The following TCF20 variants were observed in gnomAD, a reference collection of about 807,000 sequenced individuals.
The protein encoded by TCF20 is transcription factor 20, also known as SPRE-binding protein.
In TCF20, 3 loss-of-function variants were observed where a neutral mutation model predicts 148.6. That is an observed-to-expected ratio of 0.02 (90% confidence interval 0.01 to 0.05). The LOEUF is 0.05. TCF20 is among the 10% of genes least tolerant of loss of function. The probability of loss-of-function intolerance (pLI) is 1.00; values close to 1 mark genes in which losing one functional copy is unlikely to be tolerated. For missense variants in TCF20, 2,350 were observed against 2,429.3 expected (o/e 0.97, Z 0.69); for synonymous variants, 1,049 against 909.5 (o/e 1.15, Z -2.76).
At chr22:42,339,378 C>T (rs766341326) in intron 1 of TCF20, among the ~76,000 whole-genome samples, 1 of 152,216 alleles carries the variant, frequency 6.6e-6, no homozygotes, top group Non-Finnish European at 1.5e-5. Flanking sequence ...AAACTACTCA[C>T]TTTTTCTTCA....
At chr22:42,286,824 AG>A (rs1927040625), upstream of TCF20, among the ~76,000 whole-genome samples, 1 of 152,206 alleles carries the variant, frequency 6.6e-6, no homozygotes, top group Non-Finnish European at 1.5e-5. Context: ...TCCTCGTACC[AG>A]GCCAGGCACT....
chr22:42,273,843 T>G (rs1188501073), upstream of TCF20: 2 of 152,608 alleles, frequency 1.3e-5, no homozygotes, highest in Non-Finnish European at 2.9e-5. Flanking sequence ...TCTGCCCTCC[T>G]CCAGGCGCCT....
intron 1 of TCF20, among the ~76,000 whole-genome samples, chr22:42,324,124 A>G (rs1423570819): frequency 5.3e-3 from 9 of 1,714 alleles, no homozygotes; most frequent in African/African-American, 0.017. Context: ...GGTGGTGGTT[A>G]TGGTGGTGGT....
At chr22:42,190,760 C>T (rs1421561452) in intron 2 of TCF20, among the ~76,000 whole-genome samples, 1 of 147,784 alleles carries the variant, frequency 6.8e-6, no homozygotes, top group Non-Finnish European at 1.5e-5. Flanking sequence ...ATTCCCCACC[C>T]TCAGCTATCT....
chr22:42,221,204 C>T (rs897533355), intron 1 of TCF20, among the ~76,000 whole-genome samples: 5 of 152,180 alleles, frequency 3.3e-5, no homozygotes, highest in South Asian at 2.1e-4. Flanking sequence ...ATGCAGCACA[C>T]GTGGATTCAT....
chr22:42,226,291 A>T (rs1428531903), intron 1 of TCF20, among the ~76,000 whole-genome samples: 1 of 152,160 alleles, frequency 6.6e-6, no homozygotes, highest in Non-Finnish European at 1.5e-5. Flanking sequence ...CATTGAATAT[A>T]TTTTTTCATT....
At chr22:42,261,031 A>G (rs1601674791) in intron 1 of TCF20, among the ~76,000 whole-genome samples, 2 of 152,226 alleles carry the variant, frequency 1.3e-5, no homozygotes, top group South Asian at 4.1e-4. Flanking sequence ...TTTCTACCCA[A>G]GAAGCAACAC....
chr22:42,231,345 A>G (rs1352992530), intron 1 of TCF20, among the ~76,000 whole-genome samples: 1 of 152,114 alleles, frequency 6.6e-6, no homozygotes, highest in East Asian at 1.9e-4. Context: ...GTAGCCAAGC[A>G]CGGTGGTATG....
chr22:42,256,159 C>T lies in TCF20; in HGVS notation c.-37+14180G>A, dbSNP rs139610550. 9.3e-3 allele frequency among the ~76,000 whole-genome samples: 1,423 copies of T among 152,242 alleles called. 14 individuals carry two copies. The highest frequency in any genetic ancestry group is 0.033 in the African/African-American group (1,364 of 41,530). On this transcript the variant is annotated intron_variant, in intron 1 of 5. Coordinates refer to ENST00000677622, the MANE Select transcript of TCF20 (RefSeq NM_001378418.1). ...TTGATCAGGAGGGAGCAGCCTCTTG[C>T]CTAGTTCTCCCCAGCACTCCAGCTA...
Position 42,302,603 on chromosome 22 carries a change from C to T in TCF20, c.-37+40876G>A, listed in dbSNP as rs140463027. ...CCGGCCTCTTTCATCCCTGTCCTTG[C>T]TTGGTGGGATTCCTGGATGTCTCAC... On this transcript the variant is annotated intron_variant, in intron 1 of 1. Coordinates refer to the TCF20 transcript ENST00000515426. Among the ~76,000 whole-genome samples the T allele has an allele frequency of 9.3e-4, 142 of 152,324 alleles. 3 individuals are homozygous for T. Among genetic ancestry groups the T allele is most frequent in the African/African-American group, 3.1e-3 (130 of 41,574 alleles).
chr22:42,209,622 C>A, intron 2 of TCF20, 29 bp downstream of exon 2: 2 of 1,551,224 alleles, frequency 1.3e-6, no homozygotes, highest in South Asian at 2.5e-5. Flanking sequence ...ATAAAAATCC[C>A]AAGCTGGTAA....
At chr22:42,244,476 T>C (rs1233650910) in intron 1 of TCF20, among the ~76,000 whole-genome samples, 2 of 152,180 alleles carry the variant, frequency 1.3e-5, no homozygotes, top group South Asian at 2.1e-4. Flanking sequence ...GAAGTACTCA[T>C]ACACAATACA....
At chr22:42,222,270 C>G (rs1922449439) in intron 1 of TCF20, among the ~76,000 whole-genome samples, 2 of 152,010 alleles carry the variant, frequency 1.3e-5, no homozygotes, top group Non-Finnish European at 2.9e-5. Context: ...CATGATCATC[C>G]CAAGCAAGAA....
At chr22:42,198,973 A>C (rs1043616281) in intron 2 of TCF20, among the ~76,000 whole-genome samples, 2 of 151,998 alleles carry the variant, frequency 1.3e-5, no homozygotes, top group South Asian at 2.1e-4. Flanking sequence ...CCCCCTCCAA[A>C]TATTTCCAAT....
intron 1 of TCF20, among the ~76,000 whole-genome samples, chr22:42,328,952 C>T (rs1418738481): frequency 6.6e-6 from 1 of 152,226 alleles, no homozygotes; most frequent in African/African-American, 2.4e-5. Context: ...GCCTGAAACG[C>T]CTGAACCACA....
intron 1 of TCF20, among the ~76,000 whole-genome samples, chr22:42,228,579 A>C (rs1387701475): frequency 6.6e-6 from 1 of 152,196 alleles, no homozygotes; most frequent in Non-Finnish European, 1.5e-5. Flanking sequence ...CTTACAGAAC[A>C]ACTGCAAACA....
intron 2 of TCF20, among the ~76,000 whole-genome samples, chr22:42,181,994 G>C (rs767002409): frequency 2.0e-5 from 3 of 152,180 alleles, no homozygotes; most frequent in Non-Finnish European, 4.4e-5. Flanking sequence ...GGCAGCCACA[G>C]TATCACCATG....
chr22:42,224,617 C>T (rs2147257502), intron 1 of TCF20, among the ~76,000 whole-genome samples: 1 of 132,696 alleles, frequency 7.5e-6, no homozygotes, highest in East Asian at 2.2e-4. Context: ...AACAGTCAAC[C>T]AAACAAAAAA....
chr22:42,203,771 G>A (rs550701058), intron 2 of TCF20, among the ~76,000 whole-genome samples: 1 of 152,294 alleles, frequency 6.6e-6, no homozygotes, highest in Admixed American at 6.5e-5. Flanking sequence ...AGGGAGAGGA[G>A]AATGGAGAAA....
Sources: gnomAD v4.1 joint callset for allele counts (sites outside exome capture counted in the v4.1 genomes callset) on GRCh38, gnomAD v4.1.1 for gene constraint, MANE v1.5 for transcripts, NCBI Gene and HGNC (gene_info 2026-07-23, HGNC 2026-07-21) for gene names.